SGPP2: variants seen among roughly 807,000 people sequenced by gnomAD.
The protein encoded by SGPP2 is sphingosine-1-phosphate phosphatase 2.
Under a neutral mutation model 33.9 loss-of-function variants are expected in SGPP2, and 30 were observed. The observed-to-expected ratio is 0.89, with a 90% CI of 0.66 to 1.20. The LOEUF (loss-of-function observed/expected upper bound fraction) is 1.20. SGPP2 is among the 50% of genes most tolerant of loss of function. SGPP2 has a pLI of 0.00. For synonymous variants in SGPP2, 233 were observed against 225.0 expected, an observed-to-expected ratio of 1.04 and a Z score of -0.32; for missense variants, 458 against 532.1, an observed-to-expected ratio of 0.86 and a Z score of 1.37.
rs1474128618 is a variant in SGPP2, at chr2:222,468,027, C to T, written c.220-6541C>T. On this transcript the variant is annotated intron_variant, in intron 1 of 4. Coordinates refer to ENST00000321276, the MANE Select transcript of SGPP2 (RefSeq NM_152386.4). Reference sequence around the variant, plus strand: ...ACAACCTTGCAATGACATTGGTCTACAGTTTATCAAATTCTTTAAAGACCT... The same window carrying T: ...ACAACCTTGCAATGACATTGGTCTATAGTTTATCAAATTCTTTAAAGACCT... Among the ~76,000 whole-genome samples, 34 of 123,188 alleles carry T rather than the reference C, an allele frequency of 2.8e-4. No homozygotes were observed. The Admixed American group carries it at 3.3e-3, about 12-fold the overall frequency. The allele number at this position is 123,188 out of a possible 152,430, so 80.8% of individuals were successfully genotyped here.
intron 2 of SGPP2, among the ~76,000 whole-genome samples, chr2:222,506,712 CA>C (rs1201161696): frequency 1.3e-5 from 2 of 152,108 alleles, no homozygotes; most frequent in African/African-American, 4.8e-5. Flanking sequence ...CTGCACAGGG[CA>C]CTGGTACTCA....
intron 2 of SGPP2, among the ~76,000 whole-genome samples, chr2:222,506,566 G>T (rs1343930571): frequency 6.6e-6 from 1 of 152,100 alleles, no homozygotes; most frequent in African/African-American, 2.4e-5. Flanking sequence ...TTTATTGCAA[G>T]AATACAGTAT....
rs116653605 is a variant in SGPP2 at position 222,463,019 on chromosome 2, C to T, written c.220-11549C>T. Among the ~76,000 whole-genome samples, 440 of 152,312 alleles carry T rather than the reference C, an allele frequency of 2.9e-3. 2 individuals are homozygous for T. The highest frequency in any genetic ancestry group is 0.01 in the African/African-American group (424 of 41,568). On this transcript the variant is annotated intron_variant, in intron 1 of 4. Coordinates refer to ENST00000321276, the MANE Select transcript of SGPP2 (RefSeq NM_152386.4). ...TGTGACGAATGGCTTTAAACTTCCT[C>T]AGCGACAGCCTCCCATTGGGGAACT...
chr2:222,469,024 AAACT>A (rs1461546640), intron 1 of SGPP2, among the ~76,000 whole-genome samples: 1 of 152,248 alleles, frequency 6.6e-6, no homozygotes, highest in Non-Finnish European at 1.5e-5. Context: ...TCAGAAAAAT[AAACT>A]AATAAATAAG....
intron 2 of SGPP2, among the ~76,000 whole-genome samples, chr2:222,475,356 A>G (rs1697917770): frequency 6.6e-6 from 1 of 152,222 alleles, no homozygotes; most frequent in South Asian, 2.1e-4. Context: ...ACTTTGAGAT[A>G]TACTTTCCCA....
chr2:222,452,605 C>T, intron 1 of SGPP2: 1 of 1,331,950 alleles, frequency 7.5e-7, no homozygotes, highest in Non-Finnish European at 1.1e-6. Context: ...CTGTTCCAGG[C>T]CTGATTGTTC....
chr2:222,452,402 A>T, intron 1 of SGPP2: 1 of 751,910 alleles, frequency 1.3e-6, no homozygotes, highest in South Asian at 1.3e-5. Flanking sequence ...ACTCTCCTTC[A>T]CAGATCTTCA....
intron 2 of SGPP2, among the ~76,000 whole-genome samples, chr2:222,513,125 C>T (rs904663981): frequency 6.6e-4 from 101 of 152,306 alleles, no homozygotes; most frequent in African/African-American, 2.3e-3. Context: ...GTTCCACATC[C>T]TTGTCAGCAT....
chr2:222,426,743 T>C (rs554192937), intron 1 of SGPP2, among the ~76,000 whole-genome samples: 1 of 152,366 alleles, frequency 6.6e-6, no homozygotes, highest in East Asian at 1.9e-4. Flanking sequence ...ATTAATGTTT[T>C]TACAGGTGGG....
chr2:222,540,725 T>C (rs951452632), intron 4 of SGPP2, among the ~76,000 whole-genome samples: 2 of 152,192 alleles, frequency 1.3e-5, no homozygotes, highest in African/African-American at 4.8e-5. Context: ...CATCCATTAG[T>C]CTGAATATTG....
At chr2:222,532,372 T>C (rs1192163477) in intron 4 of SGPP2, among the ~76,000 whole-genome samples, 1 of 152,128 alleles carries the variant, frequency 6.6e-6, no homozygotes, top group African/African-American at 2.4e-5. Context: ...GAGAAATAAT[T>C]TGCTTATCCC....
intron 2 of SGPP2, among the ~76,000 whole-genome samples, chr2:222,505,934 C>CAAA (rs35318533): frequency 2.1e-5 from 2 of 95,066 alleles, no homozygotes; most frequent in Admixed American, 1.1e-4. Flanking sequence ...AACTCTGTCT[C>CAAA]AAAAAAAAAA....
At chr2:222,485,027 C>T (rs1698083807) in intron 2 of SGPP2, among the ~76,000 whole-genome samples, 1 of 152,184 alleles carries the variant, frequency 6.6e-6, no homozygotes, top group Admixed American at 6.5e-5. Context: ...CACTCAAGAA[C>T]CCATTTTACA....
chr2:222,537,955 C>A (rs1040192128), intron 4 of SGPP2, among the ~76,000 whole-genome samples: 19 of 152,210 alleles, frequency 1.2e-4, no homozygotes, highest in African/African-American at 4.6e-4. Flanking sequence ...AAAGGATAAA[C>A]AAACTATGGT....
At chr2:222,453,323 A>C (rs1697521473) in intron 1 of SGPP2, among the ~76,000 whole-genome samples, 1 of 152,160 alleles carries the variant, frequency 6.6e-6, no homozygotes, top group Non-Finnish European at 1.5e-5. Flanking sequence ...AGAAGTAAAA[A>C]ATTTAAGAGC....
At chr2:222,434,434 A>C (rs1018098019) in intron 1 of SGPP2, among the ~76,000 whole-genome samples, 9 of 152,148 alleles carry the variant, frequency 5.9e-5, no homozygotes, top group African/African-American at 2.2e-4. Flanking sequence ...GCCAGAGCGG[A>C]TGAAAAGGGA....
chr2:222,444,986 T>C (rs1234592649), intron 1 of SGPP2, among the ~76,000 whole-genome samples: 2 of 152,232 alleles, frequency 1.3e-5, no homozygotes, highest in East Asian at 3.8e-4. Context: ...AATTAGTCCC[T>C]GACCAGACCC....
At position 222,559,079 on chromosome 2, in the gene SGPP2, T is replaced by C. The variant is rs1055588849; in HGVS notation, c.*181T>C. ...AGGAAGAACTGTCTCATAGCGGTCA[T>C]TGGTCGTCCGTGGTGGTTGGTTGTG... On this transcript the variant is annotated 3_prime_UTR_variant, in exon 5 of 5. Transcript: ENST00000321276. 3.2e-6 allele frequency: 2 copies of C among 622,468 alleles called. No individual in the cohort carries two copies. Among genetic ancestry groups the C allele is most frequent in the South Asian group, 4.3e-5 (2 of 46,220 alleles). The allele number at this position is 622,468 out of a possible 1,614,324, so 38.6% of individuals were successfully genotyped here.
Position 222,454,132 on chromosome 2 carries a change from A to C in SGPP2, c.220-20436A>C, listed in dbSNP as rs371988336. Among the ~76,000 whole-genome samples, 258 of 152,342 alleles carry C rather than the reference A, an allele frequency of 1.7e-3. 2 individuals carry two copies. The Middle Eastern group carries it at 0.017, about 10-fold the overall frequency. ...GCAAGGAGGTCCTTTTGAATCCTTC[A>C]AAAATTTAAGCATTTTTACTTCATG... On this transcript the variant is annotated intron_variant, in intron 1 of 4. Transcript: ENST00000321276.
Sources: allele counts gnomAD v4.1 joint callset (sites outside exome capture counted in the v4.1 genomes callset), GRCh38; gene constraint gnomAD v4.1.1; transcripts MANE v1.5; gene names NCBI Gene and HGNC (gene_info 2026-07-23, HGNC 2026-07-21).